The following DLGAP1 variants were observed in gnomAD, a reference collection of about 807,000 sequenced individuals.
The protein encoded by DLGAP1 is disks large-associated protein 1.
Under a neutral mutation model 90.8 loss-of-function variants are expected in DLGAP1, and 11 were observed. The observed-to-expected ratio is 0.12, with a 90% CI of 0.08 to 0.20. DLGAP1 has a LOEUF of 0.20. DLGAP1 is among the 10% of genes least tolerant of loss of function. The probability of loss-of-function intolerance (pLI) is 1.00; values close to 1 mark genes in which losing one functional copy is unlikely to be tolerated. For synonymous variants in DLGAP1, 558 were observed against 540.7 expected, an observed-to-expected ratio of 1.03 and a Z score of -0.44; for missense variants, 1,050 against 1,333.8, an observed-to-expected ratio of 0.79 and a Z score of 3.31.
intron 1 of DLGAP1, among the ~76,000 whole-genome samples, chr18:4,251,112 AG>A (rs771564143): frequency 4.6e-5 from 7 of 152,206 alleles, no homozygotes; most frequent in Non-Finnish European, 8.8e-5. Flanking sequence ...CTTTAAAGAA[AG>A]GGTCTTTAAA....
chr18:4,348,756 A>G (rs546770611), intron 1 of DLGAP1, among the ~76,000 whole-genome samples: 24 of 152,176 alleles, frequency 1.6e-4, no homozygotes, highest in East Asian at 3.9e-4. Flanking sequence ...GGAGCCCCCA[A>G]TGGCCAATTC....
intron 1 of DLGAP1, among the ~76,000 whole-genome samples, chr18:4,305,347 C>T (rs1029837178): frequency 1.3e-5 from 2 of 151,950 alleles, no homozygotes; most frequent in Admixed American, 6.6e-5. Context: ...CCAGCTTGAC[C>T]AACGTGGTGA....
At chr18:3,737,443 T>C (rs1198956412) in intron 6 of DLGAP1, among the ~76,000 whole-genome samples, 3 of 136,214 alleles carry the variant, frequency 2.2e-5, no homozygotes, top group African/African-American at 5.6e-5. Flanking sequence ...GTGGGCTTCA[T>C]CCCTGGGATG....
rs1262098756 is a variant in DLGAP1 at position 4,210,735 on chromosome 18, T to A, written c.-266-59448A>T. On this transcript the variant is annotated intron_variant, in intron 1 of 12. Transcript: ENST00000315677. ...GAGAACAGCTATATAAAAACCAAAA[T>A]TTAGAAGATTCCTGATTCCAATCCC... Among the ~76,000 whole-genome samples the A allele has an allele frequency of 5.9e-5, 9 of 152,296 alleles. No homozygotes were observed. The East Asian group carries it at 1.5e-3, about 26-fold the overall frequency.
At chr18:3,858,528 G>GCACACACACA (rs148706272) in intron 4 of DLGAP1, among the ~76,000 whole-genome samples, 6 of 139,998 alleles carry the variant, frequency 4.3e-5, no homozygotes, top group African/African-American at 1.0e-4. Flanking sequence ...ATATATATAT[G>GCACACACACA]CACACACACA....
intron 2 of DLGAP1, among the ~76,000 whole-genome samples, chr18:4,006,484 G>C (rs1001558678): frequency 2.6e-5 from 4 of 151,512 alleles, no homozygotes; most frequent in African/African-American, 9.8e-5. Context: ...TTTGTTTCTT[G>C]ATAAGAACAG....
chr18:4,210,452 G>A (rs2077818544), intron 1 of DLGAP1, among the ~76,000 whole-genome samples: 1 of 152,184 alleles, frequency 6.6e-6, no homozygotes, highest in South Asian at 2.1e-4. Context: ...CGGAAAAGTA[G>A]ACTCAAGAGT....
chr18:3,875,914 C>A (rs940978391), intron 4 of DLGAP1, among the ~76,000 whole-genome samples: 1 of 151,804 alleles, frequency 6.6e-6, no homozygotes, highest in Non-Finnish European at 1.5e-5. Context: ...AGGACTAGAA[C>A]GCTCCGGGAA....
chr18:4,255,128 C>T (rs2078862590), intron 1 of DLGAP1, among the ~76,000 whole-genome samples: 2 of 152,152 alleles, frequency 1.3e-5, no homozygotes, highest in African/African-American at 4.8e-5. Flanking sequence ...AAAACCTCTG[C>T]ACAGAGATTT....
chr18:4,189,418 C>G (rs2077355308), intron 1 of DLGAP1, among the ~76,000 whole-genome samples: 1 of 152,004 alleles, frequency 6.6e-6, no homozygotes, highest in African/African-American at 2.4e-5. Flanking sequence ...ACTTGCACAA[C>G]CAACAGGTCA....
At chr18:3,672,998 C>T (rs920213483) in intron 7 of DLGAP1, among the ~76,000 whole-genome samples, 4 of 152,154 alleles carry the variant, frequency 2.6e-5, no homozygotes, top group South Asian at 2.1e-4. Flanking sequence ...ATTTATTCTA[C>T]ATTAAAGTGA....
intron 1 of DLGAP1, among the ~76,000 whole-genome samples, chr18:4,309,774 T>C (rs918423445): frequency 1.6e-4 from 25 of 152,282 alleles, no homozygotes; most frequent in African/African-American, 5.1e-4. Flanking sequence ...TTATTTAGCA[T>C]TTCTAAACCT....
chr18:3,502,044 A>T, intron 12 of DLGAP1: 1 of 537,126 alleles, frequency 1.9e-6, no homozygotes, highest in South Asian at 8.1e-5. Flanking sequence ...TTTCTTTATT[A>T]CTATATTTAT....
intron 7 of DLGAP1, among the ~76,000 whole-genome samples, chr18:3,610,986 G>A (rs368210543): frequency 2.0e-5 from 3 of 149,262 alleles, no homozygotes; most frequent in African/African-American, 7.4e-5. Flanking sequence ...AAATTTGTAT[G>A]CCAGCCATGT....
At chr18:3,928,660 C>T (rs1408223355) in intron 3 of DLGAP1, among the ~76,000 whole-genome samples, 1 of 152,070 alleles carries the variant, frequency 6.6e-6, no homozygotes, top group African/African-American at 2.4e-5. Flanking sequence ...GAAATTGAGC[C>T]ACAGAGAAGT....
At chr18:3,893,065 G>A (rs1202976317) in intron 3 of DLGAP1, among the ~76,000 whole-genome samples, 4 of 151,818 alleles carry the variant, frequency 2.6e-5, no homozygotes, top group Non-Finnish European at 4.4e-5. Context: ...ACCCTCCCAT[G>A]CTTCTGAGTC....
chr18:3,618,876 TGG>T (rs2057988885), intron 7 of DLGAP1, among the ~76,000 whole-genome samples: 1 of 147,670 alleles, frequency 6.8e-6, no homozygotes, highest in African/African-American at 2.5e-5. Context: ...GAAGCGGAGC[TGG>T]CAGTGAGCCG....
At chr18:4,095,999 C>T (rs1293771397) in intron 2 of DLGAP1, among the ~76,000 whole-genome samples, 1 of 152,118 alleles carries the variant, frequency 6.6e-6, no homozygotes, top group African/African-American at 2.4e-5. Context: ...TTATTTTTTA[C>T]CTTTAGGCAG....
intron 7 of DLGAP1, among the ~76,000 whole-genome samples, chr18:3,725,010 T>C (rs920899504): frequency 5.9e-5 from 9 of 152,174 alleles, no homozygotes; most frequent in Non-Finnish European, 1.2e-4. Context: ...AAATGTTATA[T>C]TTGGCATTAA....
Sources: gnomAD v4.1 joint callset for allele counts (sites outside exome capture counted in the v4.1 genomes callset) on GRCh38, gnomAD v4.1.1 for gene constraint, MANE v1.5 for transcripts, NCBI Gene and HGNC (gene_info 2026-07-23, HGNC 2026-07-21) for gene names.